The following SNTG1 variants were observed in gnomAD, a reference collection of about 807,000 sequenced individuals.
SNTG1 encodes syntrophin gamma 1.
SNTG1 carries 39 observed loss-of-function variants against 74.7 expected under a neutral mutation model. The observed-to-expected ratio is 0.52, with a 90% CI of 0.40 to 0.68. The LOEUF (loss-of-function observed/expected upper bound fraction) is 0.68. Among genes scored for constraint, SNTG1 ranks in the 30% least tolerant of loss-of-function variants. SNTG1 has a pLI of 0.00. For missense variants in SNTG1, 685 were observed against 609.5 expected (o/e 1.12, Z -1.30); for synonymous variants, 254 against 217.1 (o/e 1.17, Z -1.49).
At chr8:50,532,776 G>T (rs2094279531) in intron 10 of SNTG1, among the ~76,000 whole-genome samples, 1 of 152,154 alleles carries the variant, frequency 6.6e-6, no homozygotes, top group African/African-American at 2.4e-5. Context: ...AGTGCATTGT[G>T]AGGCAAATTT....
At chr8:50,473,276 T>C (rs1292220766) in intron 8 of SNTG1, among the ~76,000 whole-genome samples, 1 of 152,180 alleles carries the variant, frequency 6.6e-6, no homozygotes, top group Non-Finnish European at 1.5e-5. Flanking sequence ...ATGAAGAAGA[T>C]GCCTTGCTTC....
chr8:50,751,706 A>G (rs1387120463), intron 17 of SNTG1, among the ~76,000 whole-genome samples: 2 of 152,024 alleles, frequency 1.3e-5, no homozygotes, highest in Admixed American at 6.6e-5. Flanking sequence ...AAAAGGACTC[A>G]ATGAAACATA....
At position 50,578,833 on chromosome 8, in the gene SNTG1, T is replaced by A. The variant is rs547562226; in HGVS notation, c.811-12046T>A. ...TGTGAGTCAATTAAATCTGTCTTCTTTATAAATTACCCAGACTTGGGTATG... is the reference window on the plus strand; with the variant it reads ...TGTGAGTCAATTAAATCTGTCTTCTATATAAATTACCCAGACTTGGGTATG... On this transcript the variant is annotated intron_variant, in intron 12 of 18. Coordinates refer to ENST00000642720, the MANE Select transcript of SNTG1 (RefSeq NM_018967.5). Among the ~76,000 whole-genome samples the A allele has an allele frequency of 6.9e-4, 105 of 152,250 alleles. 1 individual carries two copies. The highest frequency in any genetic ancestry group is 2.5e-3 in the African/African-American group (102 of 41,560).
intron 4 of SNTG1, among the ~76,000 whole-genome samples, chr8:50,422,267 TCTA>T (rs200921828): frequency 0.21 from 1,313 of 6,114 alleles, 5 homozygotes; most frequent in Middle Eastern, 0.5. Context: ...TATCTATCTA[TCTA>T]CTATCTATCT....
At chr8:50,460,796 G>A (rs558611347) in intron 8 of SNTG1, among the ~76,000 whole-genome samples, 1 of 151,976 alleles carries the variant, frequency 6.6e-6, no homozygotes, top group Non-Finnish European at 1.5e-5. Flanking sequence ...AATGGCTGTG[G>A]GCATATGGTT....
chr8:49,967,296 C>T (rs1017831396), intron 1 of SNTG1, among the ~76,000 whole-genome samples: 3 of 152,198 alleles, frequency 2.0e-5, no homozygotes, highest in Non-Finnish European at 4.4e-5. Flanking sequence ...TGCAGAAAGC[C>T]TGTTCTCAGG....
At position 50,647,441 on chromosome 8, in the gene SNTG1, T is replaced by C. The variant is rs563656264; in HGVS notation, c.850-9468T>C. Among the ~76,000 whole-genome samples, 250 of 151,522 alleles carry C rather than the reference T, an allele frequency of 1.6e-3. 3 individuals are homozygous for C. Among genetic ancestry groups the C allele is most frequent in the Middle Eastern group, 0.01 (3 of 294 alleles). ...CATGAAAAAAATACACACACACACATATATATATACATATATATGTATACA... is the reference window on the plus strand; with the variant it reads ...CATGAAAAAAATACACACACACACACATATATATACATATATATGTATACA... On this transcript the variant is annotated intron_variant, in intron 13 of 18. Transcript: ENST00000642720.
intron 5 of SNTG1, 118 bp downstream of exon 5, chr8:50,438,717 T>C (rs904525562): frequency 1.2e-5 from 9 of 742,630 alleles, no homozygotes; most frequent in Non-Finnish European, 2.0e-5. Context: ...AACTCCTTAA[T>C]ATTTGGACGG....
At chr8:50,740,088 A>C (rs944492245) in intron 17 of SNTG1, among the ~76,000 whole-genome samples, 1 of 152,136 alleles carries the variant, frequency 6.6e-6, no homozygotes, top group Non-Finnish European at 1.5e-5. Context: ...GAAGATGCCA[A>C]AAGCAATTAC....
intron 2 of SNTG1, among the ~76,000 whole-genome samples, chr8:50,376,756 T>TATATATAGAGAGAGAGAGAGAGAG (rs1381048539): frequency 2.2e-5 from 2 of 89,964 alleles, no homozygotes; most frequent in South Asian, 4.2e-4. Flanking sequence ...TATATATATA[T>TATATATAGAGAGAGAGAGAGAGAG]AGAGAGAGAG....
intron 9 of SNTG1, among the ~76,000 whole-genome samples, chr8:50,522,467 T>C (rs1360995575): frequency 6.6e-6 from 1 of 152,154 alleles, no homozygotes; most frequent in East Asian, 1.9e-4. Flanking sequence ...GACCTATCCT[T>C]GCCCTAGGAT....
intron 5 of SNTG1, 44 bp from the exon 6 acceptor site, chr8:50,449,624 T>A: frequency 6.7e-7 from 1 of 1,486,752 alleles, no homozygotes; most frequent in Non-Finnish European, 9.1e-7. Flanking sequence ...AAAGCAGCAT[T>A]TTTTTTAGAT....
In SNTG1 at chr8:50,513,264, C is replaced by G. The variant is rs536498198; in HGVS notation, c.466+10384C>G. On this transcript the variant is annotated intron_variant, in intron 9 of 18. Transcript: ENST00000642720. ...TGAGCAGCAAATATTGCTGCCTGATCGTTCCTCTGGAAGTTTTGTCTCAGA... is the reference window on the plus strand; with the variant it reads ...TGAGCAGCAAATATTGCTGCCTGATGGTTCCTCTGGAAGTTTTGTCTCAGA... Among the ~76,000 whole-genome samples, 6 of 152,298 alleles carry G rather than the reference C, an allele frequency of 3.9e-5. No homozygotes were observed. In the South Asian group the frequency reaches 1.2e-3, roughly 32 times the overall value.
At chr8:50,363,661 A>C (rs1276120430) in intron 2 of SNTG1, among the ~76,000 whole-genome samples, 1 of 152,146 alleles carries the variant, frequency 6.6e-6, no homozygotes, top group African/African-American at 2.4e-5. Context: ...TATTAGATTG[A>C]ATACAAACAC....
At chr8:50,006,013 G>A (rs1309734282) in intron 1 of SNTG1, among the ~76,000 whole-genome samples, 1 of 127,916 alleles carries the variant, frequency 7.8e-6, no homozygotes, top group Non-Finnish European at 1.6e-5. Context: ...TTGCCAAGCT[G>A]GAGTGCAGTG....
intron 1 of SNTG1, among the ~76,000 whole-genome samples, chr8:50,003,533 A>G (rs1001839386): frequency 7.2e-5 from 11 of 152,150 alleles, no homozygotes; most frequent in African/African-American, 2.4e-4. Flanking sequence ...ATAGAAGGCA[A>G]TGCATTTTAA....
At chr8:50,331,279 G>T (rs570202837) in intron 2 of SNTG1, among the ~76,000 whole-genome samples, 2 of 152,246 alleles carry the variant, frequency 1.3e-5, no homozygotes, top group East Asian at 3.9e-4. Context: ...TGGGGCTGGT[G>T]TACCCTCTAA....
chr8:49,939,944 A>G (rs916068217), intron 1 of SNTG1, among the ~76,000 whole-genome samples: 2 of 152,206 alleles, frequency 1.3e-5, no homozygotes, highest in African/African-American at 4.8e-5. Flanking sequence ...GTGGAGTAAA[A>G]TATAAGCAAA....
At chr8:50,348,724 A>T (rs1309569417) in intron 2 of SNTG1, among the ~76,000 whole-genome samples, 1 of 152,230 alleles carries the variant, frequency 6.6e-6, no homozygotes, top group African/African-American at 2.4e-5. Flanking sequence ...AAAGTATAAT[A>T]ACACTGTATA....
Sources: allele counts gnomAD v4.1 joint callset (sites outside exome capture counted in the v4.1 genomes callset), GRCh38; gene constraint gnomAD v4.1.1; transcripts MANE v1.5; gene names NCBI Gene and HGNC (gene_info 2026-07-23, HGNC 2026-07-21).